PUS7L: variants seen among roughly 807,000 people sequenced by gnomAD.
PUS7L encodes pseudouridine synthase 7 like.
In PUS7L, 49 loss-of-function variants were observed where a neutral mutation model predicts 51.1. The observed-to-expected ratio is 0.96, with a 90% confidence interval of 0.76 to 1.22. PUS7L has a LOEUF of 1.22. PUS7L is among the 50% of genes most tolerant of loss of function. The pLI is 0.00. For synonymous variants in PUS7L, 277 were observed against 276.2 expected (o/e 1.00, Z -0.03); for missense variants, 828 against 820.6 (o/e 1.01, Z -0.11).
chr12:43,731,485 T>C (rs1218388916), intron 8 of PUS7L, among the ~76,000 whole-genome samples: 2 of 152,178 alleles, frequency 1.3e-5, no homozygotes, highest in Non-Finnish European at 2.9e-5. Flanking sequence ...CTGTTCTTTA[T>C]GATTGATATT....
rs766841129 is a variant in PUS7L, at chr12:43,730,373, G to A, written c.*3C>T. The A allele has an allele frequency of 1.9e-6, 3 of 1,610,772 alleles. No individual in the cohort carries two copies. Among genetic ancestry groups the A allele is most frequent in the Non-Finnish European group, 2.5e-6 (3 of 1,177,548 alleles). ...ATATATGGTTATACCAAGGGTATCAGTTTTAAACGTCATGCTTCATTATTT... is the reference window on the plus strand; with the variant it reads ...ATATATGGTTATACCAAGGGTATCAATTTTAAACGTCATGCTTCATTATTT... On this transcript the variant is annotated 3_prime_UTR_variant, in exon 9 of 9. Coordinates refer to ENST00000344862, the MANE Select transcript of PUS7L (RefSeq NM_031292.5).
chr12:43,744,389 C>T (rs1447956460), intron 4 of PUS7L, among the ~76,000 whole-genome samples: 1 of 152,170 alleles, frequency 6.6e-6, no homozygotes, highest in African/African-American at 2.4e-5. Context: ...ATAGTGAGTT[C>T]TCACGAGATC....
At chr12:43,758,652 T>TGGGGGGGGGGGGGGGGGGGG in intron 1 of PUS7L, 78 bp downstream of exon 1, 3 of 708,236 alleles carry the variant, frequency 4.2e-6, no homozygotes, top group Non-Finnish European at 3.1e-6. Flanking sequence ...GCCAACCTCG[T>TGGGGGGGGGGGGGGGGGGGG]CACCCCCCCC....
intron 6 of PUS7L, among the ~76,000 whole-genome samples, chr12:43,737,399 C>T (rs1243438750): frequency 6.6e-6 from 1 of 151,958 alleles, no homozygotes; most frequent in Non-Finnish European, 1.5e-5. Flanking sequence ...CACAAAAATA[C>T]TACTTTCCTG....
intron 5 of PUS7L, among the ~76,000 whole-genome samples, chr12:43,741,431 T>C (rs1232020544): frequency 6.6e-6 from 1 of 152,208 alleles, no homozygotes; most frequent in African/African-American, 2.4e-5. Context: ...CTTGGAAAAG[T>C]TAAGCAACTT....
At chr12:43,756,058 C>G (rs140062396) in intron 1 of PUS7L, among the ~76,000 whole-genome samples, 1 of 152,232 alleles carries the variant, frequency 6.6e-6, no homozygotes, top group East Asian at 1.9e-4. Flanking sequence ...CTGTGTTTCC[C>G]CCACATTCTC....
At chr12:43,752,232 G>C (rs896828622) in intron 2 of PUS7L, among the ~76,000 whole-genome samples, 6 of 151,890 alleles carry the variant, frequency 4.0e-5, no homozygotes, top group African/African-American at 1.5e-4. Context: ...CATTTACGTG[G>C]CTGGAAGGTT....
At chr12:43,744,511 C>A (rs1225316885) in intron 4 of PUS7L, among the ~76,000 whole-genome samples, 2 of 152,178 alleles carry the variant, frequency 1.3e-5, no homozygotes, top group Non-Finnish European at 2.9e-5. Context: ...GGCCTCCCCA[C>A]CTATACGGAA....
At position 43,720,795 on chromosome 12, in the gene PUS7L, A is replaced by G. The variant is rs1053906919; in HGVS notation, c.*9581T>C. 1 of 152,136 alleles carries G rather than the reference A, an allele frequency of 6.6e-6. No homozygotes were observed. Among genetic ancestry groups the G allele is most frequent in the Non-Finnish European group, 1.5e-5 (1 of 68,016 alleles). 9.4% of individuals were successfully genotyped at this position (152,136 alleles called of 1,614,324 possible). A position where few individuals can be genotyped will look rare whatever the true frequency, so the allele number is the denominator to read the frequency against. ...TGCATATTCACTATGATGTATCTCAATGTAGTTTTTTAATTTACACTGCTT... is the reference window on the plus strand; with the variant it reads ...TGCATATTCACTATGATGTATCTCAGTGTAGTTTTTTAATTTACACTGCTT... On this transcript the variant is annotated 3_prime_UTR_variant, in exon 9 of 9. Coordinates refer to ENST00000344862, the MANE Select transcript of PUS7L (RefSeq NM_031292.5).
At position 43,730,587 on chromosome 12, in the gene PUS7L, G is replaced by T. The variant is rs1378881789; in HGVS notation, c.1895C>A (p.Thr632Asn). The T allele has an allele frequency of 1.9e-6, 3 of 1,613,528 alleles. No individual in the cohort carries two copies. The African/African-American group carries it at 4.0e-5, about 22-fold the overall frequency. Residue 632 changes from threonine (T) to asparagine (N), a missense_variant, in exon 9 of 9, where the codon ACT becomes AAT. By Grantham distance (65) the Thr-to-Asn change is moderately conservative (BLOSUM62 0). Transcript: ENST00000344862. The part of the protein sequence containing the change: ...GLQTCRFKVP[T>N]LKLNIPGCYR... ...GCAACCTGGTATATTCAGTTTCAGAGTAGGTACTTTAAACCTACATGTCTG... is the reference window on the plus strand; with the variant it reads ...GCAACCTGGTATATTCAGTTTCAGATTAGGTACTTTAAACCTACATGTCTG...
Position 43,758,763 on chromosome 12 carries a change from G to A in PUS7L, c.-50C>T, listed in dbSNP as rs1939066015. On this transcript the variant is annotated 5_prime_UTR_variant, in exon 1 of 9. Coordinates refer to ENST00000344862, the MANE Select transcript of PUS7L (RefSeq NM_031292.5). Reference sequence around the variant, plus strand: ...AGTGGAAGGCATTCATTTGCACAACGCTGTGCGCATGCCCGGAAGCCTTAA... The same window carrying A: ...AGTGGAAGGCATTCATTTGCACAACACTGTGCGCATGCCCGGAAGCCTTAA... The A allele has an allele frequency of 6.1e-6, 6 of 976,216 alleles. No homozygotes were observed. The highest frequency in any genetic ancestry group is 6.1e-6 in the Non-Finnish European group (5 of 823,566). The allele number at this position is 976,216 out of a possible 1,614,324, so 60.5% of individuals were successfully genotyped here. A position where few individuals can be genotyped will look rare whatever the true frequency, so the allele number is the denominator to read the frequency against.
At chr12:43,756,175 T>C (rs1938691406) in intron 1 of PUS7L, among the ~76,000 whole-genome samples, 1 of 152,198 alleles carries the variant, frequency 6.6e-6, no homozygotes, top group Admixed American at 6.5e-5. Flanking sequence ...CATCATGCCA[T>C]ATAGAAATCA....
rs760344486 is a variant in PUS7L, at chr12:43,736,645, T to C, written c.1461A>G (p.Thr487=). The C allele has an allele frequency of 2.5e-6, 4 of 1,613,698 alleles. No homozygotes were observed. The highest frequency in any genetic ancestry group is 2.2e-5 in the South Asian group (2 of 91,080). ...CTTTGAATTCAGGCATCAATGAAAG[T>C]GTGCCTTTAGCATCCTCTGAAACAA... ...YFLQTEDAKG[T]LSLMPEFKVR... The change falls in exon 7 of 9, where the codon ACA becomes ACG. Residue 487 remains threonine, a synonymous_variant. Coordinates refer to ENST00000344862, the MANE Select transcript of PUS7L (RefSeq NM_031292.5).
Position 43,727,305 on chromosome 12 carries a change from T to A in PUS7L, c.*3071A>T, listed in dbSNP as rs1025124464. The A allele has an allele frequency of 1.3e-5, 2 of 152,174 alleles. No individual in the cohort carries two copies. Among genetic ancestry groups the A allele is most frequent in the African/African-American group, 4.8e-5 (2 of 41,440 alleles). The allele number at this position is 152,174 out of a possible 1,614,324, so 9.4% of individuals were successfully genotyped here. A position where few individuals can be genotyped will look rare whatever the true frequency, so the allele number is the denominator to read the frequency against. On this transcript the variant is annotated 3_prime_UTR_variant, in exon 9 of 9. Coordinates refer to ENST00000344862, the MANE Select transcript of PUS7L (RefSeq NM_031292.5). ...TTTCTCAAAGAACTTAAAGCAGACA[T>A]ACCATTTGACCCAGCAATCCCATTA...
At position 43,754,997 on chromosome 12, in the gene PUS7L, T is replaced by C. The variant is rs778320477; in HGVS notation, c.249A>G (p.Gly83=). Residue 83 remains glycine (G), a synonymous_variant, in exon 2 of 9, where the codon GGA becomes GGG. Transcript: ENST00000344862. ...TCAAAGTATGAACTTCTTGGTTTCTTCCATCTTCTAAGGACAGATTTTGAA... is the reference window on the plus strand; with the variant it reads ...TCAAAGTATGAACTTCTTGGTTTCTCCCATCTTCTAAGGACAGATTTTGAA... The part of the protein sequence containing the change: ...LDLQNLSLED[G]RNQEVHTLIK... 1.2e-6 allele frequency: 2 copies of C among 1,613,208 alleles called. No homozygotes were observed. Among genetic ancestry groups the C allele is most frequent in the East Asian group, 2.2e-5 (1 of 44,828 alleles).
chr12:43,752,146 G>A (rs965251216), intron 2 of PUS7L, among the ~76,000 whole-genome samples: 5 of 152,116 alleles, frequency 3.3e-5, no homozygotes, highest in Non-Finnish European at 7.3e-5. Context: ...CATTCTGTAG[G>A]TTGCCTGTTC....
At chr12:43,757,786 T>G (rs774336374) in intron 1 of PUS7L, among the ~76,000 whole-genome samples, 1 of 152,092 alleles carries the variant, frequency 6.6e-6, no homozygotes, top group African/African-American at 2.4e-5. Flanking sequence ...GTTCAAGAGA[T>G]AGAAATGAGG....
rs1449331489 is a variant in PUS7L, at chr12:43,726,809, C to T, written c.*3567G>A. On this transcript the variant is annotated 3_prime_UTR_variant, in exon 9 of 9. Coordinates refer to ENST00000344862, the MANE Select transcript of PUS7L (RefSeq NM_031292.5). Reference sequence around the variant, plus strand: ...CACCACTGCACTCCAGCCTGGGTGACAGAAGGAAACTCCATCTAAAAAAAA... The same window carrying T: ...CACCACTGCACTCCAGCCTGGGTGATAGAAGGAAACTCCATCTAAAAAAAA... The T allele has an allele frequency of 6.7e-6, 1 of 149,696 alleles. No homozygotes were observed. Among genetic ancestry groups the T allele is most frequent in the Non-Finnish European group, 1.5e-5 (1 of 67,664 alleles). The allele number at this position is 149,696 out of a possible 1,614,324, so 9.3% of individuals were successfully genotyped here.
At chr12:43,747,556 T>C (rs1176440567) in intron 3 of PUS7L, among the ~76,000 whole-genome samples, 1 of 151,690 alleles carries the variant, frequency 6.6e-6, no homozygotes, top group Non-Finnish European at 1.5e-5. Context: ...TAGCCAGGCA[T>C]GGTGGTGGGC....
Sources: gnomAD v4.1 joint callset for allele counts (sites outside exome capture counted in the v4.1 genomes callset) on GRCh38, gnomAD v4.1.1 for gene constraint, MANE v1.5 for transcripts, NCBI Gene and HGNC (gene_info 2026-07-23, HGNC 2026-07-21) for gene names.